LCLAT1: variants seen among roughly 807,000 people sequenced by gnomAD.
LCLAT1 encodes the protein 1-AGP acyltransferase 8.
Under a neutral mutation model 30.7 loss-of-function variants are expected in LCLAT1, and 11 were observed. The ratio of observed to expected loss-of-function variants is 0.36; its 90% CI spans 0.23 to 0.59. The LOEUF (loss-of-function observed/expected upper bound fraction) is 0.59. Among genes scored for constraint, LCLAT1 ranks in the 20% least tolerant of loss-of-function variants. The pLI, the probability that LCLAT1 is intolerant of heterozygous loss-of-function variation, is 0.77. For synonymous variants in LCLAT1, 155 were observed against 151.3 expected (o/e 1.02, Z -0.18); for missense variants, 402 against 458.6 (o/e 0.88, Z 1.13).
chr2:30,638,808 ACGG>A (rs1669157582), intron 5 of LCLAT1, among the ~76,000 whole-genome samples: 1 of 92,082 alleles, frequency 1.1e-5, no homozygotes, highest in African/African-American at 1.1e-4. Flanking sequence ...TGGCCACTGT[ACGG>A]TGTCACATCC....
intron 3 of LCLAT1, among the ~76,000 whole-genome samples, chr2:30,555,188 A>G (rs966894588): frequency 2.6e-5 from 4 of 152,216 alleles, no homozygotes; most frequent in African/African-American, 4.8e-5. Context: ...GCCATATTCA[A>G]TGATAGAAAA....
intron 5 of LCLAT1, among the ~76,000 whole-genome samples, chr2:30,581,688 A>G (rs1045616345): frequency 6.6e-5 from 10 of 152,324 alleles, no homozygotes; most frequent in South Asian, 4.1e-4. Flanking sequence ...GGTCTCACTT[A>G]TATGTGGAAG....
chr2:30,497,596 T>C (rs908683556), intron 1 of LCLAT1, among the ~76,000 whole-genome samples: 1 of 152,242 alleles, frequency 6.6e-6, no homozygotes, highest in African/African-American at 2.4e-5. Flanking sequence ...ACTTTTGGAC[T>C]TAATGCTTTT....
At chr2:30,554,077 A>G (rs936503583) in intron 3 of LCLAT1, among the ~76,000 whole-genome samples, 2 of 152,220 alleles carry the variant, frequency 1.3e-5, no homozygotes, top group African/African-American at 4.8e-5. Context: ...TTTAAGCTAA[A>G]AGAAGTAAAA....
intron 1 of LCLAT1, among the ~76,000 whole-genome samples, chr2:30,453,658 A>G (rs899739017): frequency 1.3e-5 from 2 of 152,210 alleles, no homozygotes; most frequent in Non-Finnish European, 2.9e-5. Context: ...CTTACTGTGT[A>G]GAGGGGGAGA....
intron 1 of LCLAT1, among the ~76,000 whole-genome samples, chr2:30,510,118 C>T (rs1684867960): frequency 6.6e-6 from 1 of 152,182 alleles, no homozygotes; most frequent in African/African-American, 2.4e-5. Context: ...CGAATGCCTT[C>T]TCTATCTAAT....
At chr2:30,465,682 A>G (rs1461920631) in intron 1 of LCLAT1, among the ~76,000 whole-genome samples, 1 of 152,242 alleles carries the variant, frequency 6.6e-6, no homozygotes, top group Non-Finnish European at 1.5e-5. Context: ...CCAAAATGAC[A>G]TTAAAATGAA....
At chr2:30,618,280 AGTTT>A (rs1668087801) in intron 5 of LCLAT1, among the ~76,000 whole-genome samples, 2 of 152,280 alleles carry the variant, frequency 1.3e-5, no homozygotes, top group South Asian at 2.1e-4. Flanking sequence ...ACTTAGAATC[AGTTT>A]GTTAATTTAT....
chr2:30,449,483 CAG>C (rs890646217), intron 1 of LCLAT1, among the ~76,000 whole-genome samples: 3 of 151,220 alleles, frequency 2.0e-5, no homozygotes, highest in African/African-American at 7.3e-5. Context: ...TATTTTGAAA[CAG>C]AGTTATGACT....
chr2:30,484,112 A>G (rs1018546543), intron 1 of LCLAT1, among the ~76,000 whole-genome samples: 1 of 152,174 alleles, frequency 6.6e-6, no homozygotes, highest in Non-Finnish European at 1.5e-5. Context: ...CCATGTTTAC[A>G]TCTGATTTTG....
At chr2:30,490,349 C>G in intron 1 of LCLAT1, among the ~76,000 whole-genome samples, 1 of 151,954 alleles carries the variant, frequency 6.6e-6, no homozygotes, top group South Asian at 2.1e-4. Context: ...ACTACAGGTG[C>G]GTGTCACCAC....
At chr2:30,469,191 T>C (rs1430131561) in intron 1 of LCLAT1, among the ~76,000 whole-genome samples, 2 of 152,198 alleles carry the variant, frequency 1.3e-5, no homozygotes, top group Admixed American at 6.5e-5. Context: ...CTGTGGGTTG[T>C]CTTTTCATTT....
At chr2:30,581,640 A>T (rs1325513700) in intron 5 of LCLAT1, among the ~76,000 whole-genome samples, 2 of 152,214 alleles carry the variant, frequency 1.3e-5, no homozygotes, top group Non-Finnish European at 2.9e-5. Context: ...CATAATGTTG[A>T]GTAAAATAAA....
At chr2:30,475,779 G>A (rs1683014520) in intron 1 of LCLAT1, among the ~76,000 whole-genome samples, 1 of 152,132 alleles carries the variant, frequency 6.6e-6, no homozygotes, top group Non-Finnish European at 1.5e-5. Context: ...GAAATATTTT[G>A]AGAAGCAAGA....
chr2:30,567,526 A>T (rs1012539143), intron 4 of LCLAT1, among the ~76,000 whole-genome samples: 4 of 152,180 alleles, frequency 2.6e-5, no homozygotes, highest in African/African-American at 9.7e-5. Context: ...CAAACCAGGC[A>T]TGGAGGCCCT....
At chr2:30,587,949 A>G (rs190633469) in intron 5 of LCLAT1, among the ~76,000 whole-genome samples, 2 of 152,342 alleles carry the variant, frequency 1.3e-5, no homozygotes, top group East Asian at 3.9e-4. Context: ...AATAATACCA[A>G]AAAGTCCTAT....
intron 5 of LCLAT1, among the ~76,000 whole-genome samples, chr2:30,622,452 C>T (rs2148517798): frequency 6.6e-6 from 1 of 152,270 alleles, no homozygotes; most frequent in East Asian, 1.9e-4. Flanking sequence ...GCCACCACAG[C>T]TGATGCTTTC....
chr2:30,487,206 C>G (rs2148320699), intron 1 of LCLAT1, among the ~76,000 whole-genome samples: 1 of 152,296 alleles, frequency 6.6e-6, no homozygotes. Context: ...TGGTACCCAG[C>G]TAAGGCACTC....
At chr2:30,603,804 G>A (rs1667301554) in intron 5 of LCLAT1, among the ~76,000 whole-genome samples, 1 of 152,114 alleles carries the variant, frequency 6.6e-6, no homozygotes, top group Non-Finnish European at 1.5e-5. Flanking sequence ...ATGGCCCCAA[G>A]ATGATGAAAG....
Sources: gnomAD v4.1 joint callset for allele counts (sites outside exome capture counted in the v4.1 genomes callset) on GRCh38, gnomAD v4.1.1 for gene constraint, MANE v1.5 for transcripts, NCBI Gene and HGNC (gene_info 2026-07-23, HGNC 2026-07-21) for gene names.